Variants in KCND3 observed in about 807,000 individuals in gnomAD.
KCND3 encodes A-type voltage-gated potassium channel KCND3.
A neutral mutation model predicts 51.1 loss-of-function variants in KCND3; 9 were observed. The ratio of observed to expected loss-of-function variants is 0.18; its 90% CI spans 0.11 to 0.31. The LOEUF is 0.31. Ranked by LOEUF, KCND3 falls within the 10% of genes least tolerant of loss-of-function variation. KCND3 has a pLI of 1.00. For synonymous variants in KCND3, 349 were observed against 368.0 expected (o/e 0.95, Z 0.59); for missense variants, 526 against 903.8 (o/e 0.58, Z 5.36).
chr1:111,856,645 C>T (rs1668086408), intron 2 of KCND3, among the ~76,000 whole-genome samples: 1 of 152,258 alleles, frequency 6.6e-6, no homozygotes, highest in Admixed American at 6.5e-5. Context: ...CCAGCCCCAC[C>T]TGCCAAAGGT....
At chr1:111,863,813 C>T (rs545803954) in intron 2 of KCND3, among the ~76,000 whole-genome samples, 29 of 152,246 alleles carry the variant, frequency 1.9e-4, no homozygotes, top group African/African-American at 6.3e-4. Flanking sequence ...CAGCAGGATG[C>T]AGGGAGACCA....
chr1:111,783,842 T>C (rs1193381696), intron 3 of KCND3, among the ~76,000 whole-genome samples: 1 of 152,138 alleles, frequency 6.6e-6, no homozygotes, highest in African/African-American at 2.4e-5. Context: ...GGATTACTTA[T>C]ACAGCAACTT....
chr1:111,847,794 T>C (rs1667625834), intron 2 of KCND3, among the ~76,000 whole-genome samples: 1 of 151,972 alleles, frequency 6.6e-6, no homozygotes, highest in Non-Finnish European at 1.5e-5. Flanking sequence ...AGCTTCCCTC[T>C]GGCAGGGCAG....
intron 2 of KCND3, among the ~76,000 whole-genome samples, chr1:111,795,043 A>G (rs933662318): frequency 6.6e-6 from 1 of 152,214 alleles, no homozygotes; most frequent in Non-Finnish European, 1.5e-5. Flanking sequence ...AGGGAGGAGA[A>G]CACTTCAGAG....
chr1:111,966,474 T>A (rs755591840), intron 2 of KCND3, among the ~76,000 whole-genome samples: 10 of 152,076 alleles, frequency 6.6e-5, no homozygotes, highest in Non-Finnish European at 1.5e-4. Context: ...GAGCTCTGCT[T>A]ACCCCCATAA....
chr1:111,805,067 G>A (rs778717654), intron 2 of KCND3, among the ~76,000 whole-genome samples: 8 of 152,322 alleles, frequency 5.3e-5, no homozygotes, highest in Non-Finnish European at 1.0e-4. Context: ...TAAAGGGCAG[G>A]GGACTTCTTG....
intron 2 of KCND3, among the ~76,000 whole-genome samples, chr1:111,928,083 G>T (rs1009793459): frequency 6.6e-6 from 1 of 151,946 alleles, no homozygotes; most frequent in Non-Finnish European, 1.5e-5. Flanking sequence ...TACCACCACT[G>T]ACTTTTTAAT....
At chr1:111,940,533 T>G (rs1271882610) in intron 2 of KCND3, among the ~76,000 whole-genome samples, 1 of 152,186 alleles carries the variant, frequency 6.6e-6, no homozygotes, top group East Asian at 1.9e-4. Context: ...GATCAGATAG[T>G]TGTAGATGTG....
intron 2 of KCND3, among the ~76,000 whole-genome samples, chr1:111,870,028 T>C (rs1668760769): frequency 6.6e-6 from 1 of 152,190 alleles, no homozygotes; most frequent in Non-Finnish European, 1.5e-5. Context: ...GAAGCAGAGA[T>C]TAATTGAGAC....
intron 2 of KCND3, among the ~76,000 whole-genome samples, chr1:111,948,537 G>C (rs542548321): frequency 1.3e-5 from 2 of 152,164 alleles, no homozygotes; most frequent in Admixed American, 1.3e-4. Context: ...TCTTTCTTCT[G>C]TTCTCCCACT....
chr1:111,962,579 G>A (rs1673721306), intron 2 of KCND3, among the ~76,000 whole-genome samples: 1 of 152,202 alleles, frequency 6.6e-6, no homozygotes. Flanking sequence ...CTTTGCATGG[G>A]CTTCACTACC....
At chr1:111,929,335 C>T (rs895954415) in intron 2 of KCND3, among the ~76,000 whole-genome samples, 6 of 152,148 alleles carry the variant, frequency 3.9e-5, no homozygotes, top group African/African-American at 1.4e-4. Context: ...GCTGGGACTC[C>T]CAGCCTCCCG....
At chr1:111,811,946 C>T (rs746424316) in intron 2 of KCND3, among the ~76,000 whole-genome samples, 14 of 152,166 alleles carry the variant, frequency 9.2e-5, no homozygotes, top group East Asian at 5.8e-4. Context: ...TTAGGGACAG[C>T]GCAGAGTGGT....
At chr1:111,867,455 A>C (rs1668631060) in intron 2 of KCND3, among the ~76,000 whole-genome samples, 1 of 152,344 alleles carries the variant, frequency 6.6e-6, no homozygotes, top group East Asian at 1.9e-4. Flanking sequence ...GAGCACCCCA[A>C]TCCTGGGTTA....
chr1:111,867,152 T>G (rs1257009146), intron 2 of KCND3, among the ~76,000 whole-genome samples: 1 of 152,158 alleles, frequency 6.6e-6, no homozygotes, highest in Non-Finnish European at 1.5e-5. Context: ...CTTAGAACAA[T>G]GCCCACCCCA....
intron 2 of KCND3, among the ~76,000 whole-genome samples, chr1:111,957,079 A>T (rs556682215): frequency 6.6e-6 from 1 of 152,328 alleles, no homozygotes; most frequent in Non-Finnish European, 1.5e-5. Context: ...AAAACATCTC[A>T]AACAAAACAC....
Position 111,806,927 on chromosome 1 carries a change from C to T in KCND3, c.1107-19821G>A, listed in dbSNP as rs150819586. 2.1e-4 allele frequency among the ~76,000 whole-genome samples: 32 copies of T among 152,254 alleles called. No homozygotes were observed. In the East Asian group the frequency reaches 2.3e-3, roughly 11 times the overall value. On this transcript the variant is annotated intron_variant, in intron 2 of 7. Coordinates refer to ENST00000302127, the MANE Select transcript of KCND3 (RefSeq NM_001378969.1). ...AAGTGCTTTACCTTCAGGGTGAAGACGAATTGAGAGTAAATATCCCCTCTA... is the reference window on the plus strand; with the variant it reads ...AAGTGCTTTACCTTCAGGGTGAAGATGAATTGAGAGTAAATATCCCCTCTA...
At chr1:111,805,689 A>G (rs1237090973) in intron 2 of KCND3, among the ~76,000 whole-genome samples, 1 of 152,218 alleles carries the variant, frequency 6.6e-6, no homozygotes, top group Non-Finnish European at 1.5e-5. Context: ...GAGCGGGGGG[A>G]CATGGAGAGC....
intron 2 of KCND3, among the ~76,000 whole-genome samples, chr1:111,831,824 T>C (rs2101621139): frequency 1.3e-5 from 2 of 152,290 alleles, no homozygotes; most frequent in East Asian, 3.9e-4. Context: ...CAGAGATACA[T>C]ATTTTTAAAA....
Sources: allele counts gnomAD v4.1 joint callset (sites outside exome capture counted in the v4.1 genomes callset), GRCh38; gene constraint gnomAD v4.1.1; transcripts MANE v1.5; gene names NCBI Gene and HGNC (gene_info 2026-07-23, HGNC 2026-07-21).